Variants in EYS observed in about 807,000 individuals in gnomAD.
EYS encodes protein eyes shut homolog.
Under a neutral mutation model 282.1 loss-of-function variants are expected in EYS, and 250 were observed. The ratio of observed to expected loss-of-function variants is 0.89; its 90% CI spans 0.80 to 0.98. The LOEUF is 0.98. Among genes scored for constraint, EYS ranks in the 50% least tolerant of loss-of-function variants. The probability of loss-of-function intolerance (pLI) is 0.00; values close to 1 mark genes in which losing one functional copy is unlikely to be tolerated. For synonymous variants in EYS, 1,355 were observed against 1,282.9 expected, an observed-to-expected ratio of 1.06 and a Z score of -1.20; for missense variants, 4,016 against 3,709.0, an observed-to-expected ratio of 1.08 and a Z score of -2.15.
chr6:64,955,349 A>T (rs534521085), intron 14 of EYS, among the ~76,000 whole-genome samples: 24 of 152,184 alleles, frequency 1.6e-4, no homozygotes, highest in Non-Finnish European at 2.6e-4. Flanking sequence ...TGAAAAAAAA[A>T]TTCCATATTC....
At chr6:64,922,693 G>T (rs1379721015) in intron 15 of EYS, among the ~76,000 whole-genome samples, 1 of 152,074 alleles carries the variant, frequency 6.6e-6, no homozygotes, top group Non-Finnish European at 1.5e-5. Context: ...ACTGCTTCTA[G>T]TCTGCCATCT....
In EYS at chr6:65,689,991, T is replaced by C. The variant is rs149532722; in HGVS notation, c.-448+17144A>G. 5.5e-3 allele frequency among the ~76,000 whole-genome samples: 825 copies of C among 149,854 alleles called. 37 individuals are homozygous for C. The highest frequency in any genetic ancestry group is 8.5e-3 in the Non-Finnish European group (572 of 67,602). ...GGATATACCAGCATTTATTACTAAG[T>C]TTAGTGAGGGCGCGGGTAGGTTAGT... is the stretch of plus-strand genomic sequence containing the variant. On this transcript the variant is annotated intron_variant, in intron 1 of 42. Coordinates refer to ENST00000503581, the MANE Select transcript of EYS (RefSeq NM_001142800.2).
chr6:63,774,541 C>T (rs549568893), intron 40 of EYS, among the ~76,000 whole-genome samples: 2 of 152,192 alleles, frequency 1.3e-5, no homozygotes, highest in East Asian at 3.9e-4. Flanking sequence ...AACATGGTGA[C>T]TATGGTTAGT....
chr6:65,009,881 T>C (rs1771811800), intron 13 of EYS, among the ~76,000 whole-genome samples: 2 of 152,160 alleles, frequency 1.3e-5, no homozygotes, highest in Non-Finnish European at 2.9e-5. Context: ...CTTATCCTCA[T>C]CCCAAAACCC....
chr6:64,429,562 T>C (rs1774514937), intron 28 of EYS, among the ~76,000 whole-genome samples: 1 of 152,042 alleles, frequency 6.6e-6, no homozygotes, highest in African/African-American at 2.4e-5. Flanking sequence ...ATCACAGAGG[T>C]GGAGGTTGCA....
At chr6:64,463,964 A>G (rs532751274) in intron 26 of EYS, among the ~76,000 whole-genome samples, 332 of 152,328 alleles carry the variant, frequency 2.2e-3, no homozygotes, top group African/African-American at 7.6e-3. Context: ...TTACCCTTAT[A>G]TCAAAGCCAG....
chr6:65,465,432 G>A (rs1193201236), intron 5 of EYS, among the ~76,000 whole-genome samples: 1 of 151,996 alleles, frequency 6.6e-6, no homozygotes, highest in Non-Finnish European at 1.5e-5. Context: ...AGCCACGATT[G>A]TGCCGCTGTA....
chr6:64,716,313 A>C (rs550926930), intron 22 of EYS, among the ~76,000 whole-genome samples: 1 of 152,326 alleles, frequency 6.6e-6, no homozygotes, highest in Admixed American at 6.5e-5. Flanking sequence ...GCACGTAATC[A>C]TTCAAAGACT....
At chr6:64,676,346 A>G (rs1370231697) in intron 22 of EYS, among the ~76,000 whole-genome samples, 1 of 146,356 alleles carries the variant, frequency 6.8e-6, no homozygotes, top group Non-Finnish European at 1.5e-5. Flanking sequence ...ATCTATATAT[A>G]TATATAGAGA....
At chr6:65,622,305 A>G (rs1195157814) in intron 2 of EYS, among the ~76,000 whole-genome samples, 1 of 152,210 alleles carries the variant, frequency 6.6e-6, no homozygotes, top group Non-Finnish European at 1.5e-5. Flanking sequence ...GTTGCTCTGT[A>G]TCAGGTTAGC....
chr6:64,904,660 A>G (rs1423277511), intron 16 of EYS, among the ~76,000 whole-genome samples: 4 of 152,150 alleles, frequency 2.6e-5, no homozygotes, highest in African/African-American at 9.7e-5. Flanking sequence ...TGACACTAAA[A>G]TGATTCTTAG....
intron 31 of EYS, among the ~76,000 whole-genome samples, chr6:64,192,950 T>G (rs966194647): frequency 6.6e-6 from 1 of 152,232 alleles, no homozygotes; most frequent in African/African-American, 2.4e-5. Flanking sequence ...TGAGTTTGTT[T>G]GTACTCTAGG....
intron 26 of EYS, among the ~76,000 whole-genome samples, chr6:64,534,493 A>G (rs1764457478): frequency 6.6e-6 from 1 of 152,120 alleles, no homozygotes; most frequent in Non-Finnish European, 1.5e-5. Context: ...AAATAAGCCA[A>G]AGTAAGCCAA....
intron 7 of EYS, among the ~76,000 whole-genome samples, chr6:65,391,723 AT>A (rs1242061968): frequency 2.6e-5 from 4 of 152,190 alleles, no homozygotes; most frequent in African/African-American, 9.7e-5. Flanking sequence ...AAGAATCAAT[AT>A]CATGAAAATG....
chr6:64,443,802 C>A (rs1775031287), intron 26 of EYS, among the ~76,000 whole-genome samples: 1 of 152,088 alleles, frequency 6.6e-6, no homozygotes, highest in Non-Finnish European at 1.5e-5. Flanking sequence ...TGAGGCCTCC[C>A]CAGCCATGTG....
intron 15 of EYS, among the ~76,000 whole-genome samples, chr6:64,940,071 A>G (rs963590970): frequency 6.6e-6 from 1 of 152,012 alleles, no homozygotes; most frequent in African/African-American, 2.4e-5. Flanking sequence ...AAGACTTACC[A>G]TAAACCTAAT....
At chr6:64,898,933 A>G (rs1014077097) in intron 18 of EYS, among the ~76,000 whole-genome samples, 2 of 152,098 alleles carry the variant, frequency 1.3e-5, no homozygotes, top group Non-Finnish European at 2.9e-5. Flanking sequence ...TGCATACAAT[A>G]CAGGAGCACC....
intron 31 of EYS, among the ~76,000 whole-genome samples, chr6:64,205,590 T>G (rs888490099): frequency 2.0e-5 from 3 of 152,148 alleles, no homozygotes; most frequent in Non-Finnish European, 4.4e-5. Flanking sequence ...ATAATGAAAG[T>G]AATTATGTGC....
chr6:63,987,204 T>C (rs1767409400), intron 34 of EYS, among the ~76,000 whole-genome samples: 1 of 151,712 alleles, frequency 6.6e-6, no homozygotes, highest in African/African-American at 2.4e-5. Context: ...CAGCTACATA[T>C]TTCCTCCAGC....
Sources: gnomAD v4.1 joint callset for allele counts (sites outside exome capture counted in the v4.1 genomes callset) on GRCh38, gnomAD v4.1.1 for gene constraint, MANE v1.5 for transcripts, NCBI Gene and HGNC (gene_info 2026-07-23, HGNC 2026-07-21) for gene names.